Variants in DLC1 observed in about 807,000 individuals in gnomAD.
DLC1 encodes rho GTPase-activating protein 7.
Under a neutral mutation model 140.3 loss-of-function variants are expected in DLC1, and 54 were observed. The ratio of observed to expected loss-of-function variants is 0.38; its 90% CI spans 0.31 to 0.48. The LOEUF is 0.48. Ranked by LOEUF, DLC1 falls within the 20% of genes least tolerant of loss-of-function variation. The pLI, the probability that DLC1 is intolerant of heterozygous loss-of-function variation, is 0.96. For missense variants in DLC1, 2,536 were observed against 1,907.0 expected, an observed-to-expected ratio of 1.33 and a Z score of -6.14; for synonymous variants, 986 against 728.1, an observed-to-expected ratio of 1.35 and a Z score of -5.70.
intron 2 of DLC1, among the ~76,000 whole-genome samples, chr8:13,493,167 T>C (rs1801342280): frequency 6.6e-6 from 1 of 152,210 alleles, no homozygotes; most frequent in Admixed American, 6.5e-5. Context: ...AACAGGCCTG[T>C]GTCATTAAAA....
chr8:13,299,262 G>C (rs936028774), intron 5 of DLC1, among the ~76,000 whole-genome samples: 2 of 151,786 alleles, frequency 1.3e-5, no homozygotes, highest in African/African-American at 4.8e-5. Context: ...AGCCAACATA[G>C]TGAAACCCCA....
chr8:13,108,240 G>A (rs957534105), intron 7 of DLC1, among the ~76,000 whole-genome samples: 5 of 152,056 alleles, frequency 3.3e-5, no homozygotes, highest in Admixed American at 1.3e-4. Flanking sequence ...GAACTCTGAA[G>A]AATTTCCTTT....
chr8:13,416,977 T>G (rs1415653811), intron 2 of DLC1, among the ~76,000 whole-genome samples: 1 of 152,140 alleles, frequency 6.6e-6, no homozygotes, highest in Non-Finnish European at 1.5e-5. Flanking sequence ...ATTGTGCTGG[T>G]AAGGAATATG....
At chr8:13,425,421 A>G (rs2117366136) in intron 2 of DLC1, among the ~76,000 whole-genome samples, 1 of 152,334 alleles carries the variant, frequency 6.6e-6, no homozygotes, top group South Asian at 2.1e-4. Context: ...GAAAACTTGG[A>G]AAACAAACAG....
chr8:13,376,508 G>A lies in DLC1; in HGVS notation c.1314+17045C>T, dbSNP rs562600474. Among the ~76,000 whole-genome samples, 5 of 152,046 alleles carry A rather than the reference G, an allele frequency of 3.3e-5. No homozygotes were observed. In the South Asian group the frequency reaches 1.0e-3, roughly 32 times the overall value. On this transcript the variant is annotated intron_variant, in intron 4 of 17. Coordinates refer to ENST00000276297, the MANE Select transcript of DLC1 (RefSeq NM_182643.3). ...GCCTGCAACCTACCCTTTCAATCAG[G>A]CAATTTTAAATATGGGAAAGGCAAT... is the stretch of plus-strand genomic sequence containing the variant.
At chr8:13,580,393 T>C (rs1188769437) in intron 1 of DLC1, among the ~76,000 whole-genome samples, 4 of 152,180 alleles carry the variant, frequency 2.6e-5, no homozygotes, top group Admixed American at 1.3e-4. Flanking sequence ...AGTGCTGGGA[T>C]TACAGGCGTG....
chr8:13,383,645 C>G (rs1364687758), intron 4 of DLC1, among the ~76,000 whole-genome samples: 1 of 152,114 alleles, frequency 6.6e-6, no homozygotes, highest in East Asian at 1.9e-4. Context: ...TTGAACAGGG[C>G]TAGTCTGCGT....
chr8:13,357,046 A>C (rs1428128347), intron 4 of DLC1, among the ~76,000 whole-genome samples: 2 of 152,044 alleles, frequency 1.3e-5, no homozygotes, highest in Non-Finnish European at 2.9e-5. Flanking sequence ...AGGCAGGCGG[A>C]TCACTTGAGG....
chr8:13,381,818 G>A (rs936525208), intron 4 of DLC1, among the ~76,000 whole-genome samples: 2 of 152,130 alleles, frequency 1.3e-5, no homozygotes, highest in East Asian at 1.9e-4. Flanking sequence ...TTAAATTAAG[G>A]GGGATTTGTT....
intron 3 of DLC1, among the ~76,000 whole-genome samples, chr8:13,396,058 C>CTTTTTTTT (rs1458503033): frequency 6.7e-5 from 9 of 133,360 alleles, no homozygotes; most frequent in Non-Finnish European, 9.4e-5. Flanking sequence ...AATTTCTTTT[C>CTTTTTTTT]TTTCTTTTTT....
At chr8:13,317,531 G>A (rs1299829830) in intron 4 of DLC1, among the ~76,000 whole-genome samples, 3 of 152,088 alleles carry the variant, frequency 2.0e-5, no homozygotes, top group Admixed American at 6.5e-5. Flanking sequence ...AAATAAATTC[G>A]AATTCTAGGA....
At chr8:13,187,517 T>A (rs1347650909) in intron 5 of DLC1, among the ~76,000 whole-genome samples, 1 of 152,188 alleles carries the variant, frequency 6.6e-6, no homozygotes, top group Non-Finnish European at 1.5e-5. Context: ...TCTGTGATTC[T>A]TTGAGGACGG....
intron 1 of DLC1, among the ~76,000 whole-genome samples, chr8:13,555,105 C>T (rs1275462357): frequency 6.6e-6 from 1 of 152,166 alleles, no homozygotes; most frequent in African/African-American, 2.4e-5. Context: ...TGATTCATTC[C>T]TTTACTTCCT....
chr8:13,345,821 A>T (rs1399343496), intron 4 of DLC1, among the ~76,000 whole-genome samples: 1 of 152,110 alleles, frequency 6.6e-6, no homozygotes, highest in African/African-American at 2.4e-5. Flanking sequence ...GGCCTCTGAA[A>T]GTGCTGAGAT....
intron 5 of DLC1, among the ~76,000 whole-genome samples, chr8:13,232,990 A>C (rs1377243328): frequency 6.6e-6 from 1 of 152,182 alleles, no homozygotes; most frequent in Non-Finnish European, 1.5e-5. Flanking sequence ...ATCATTAAAA[A>C]TGTTGCATAT....
intron 5 of DLC1, among the ~76,000 whole-genome samples, chr8:13,250,956 A>G (rs1291472234): frequency 3.9e-5 from 6 of 152,192 alleles, no homozygotes; most frequent in Admixed American, 3.9e-4. Flanking sequence ...ATTGCTGTGT[A>G]AGTCTACTGG....
At chr8:13,462,526 C>T (rs907627963) in intron 2 of DLC1, among the ~76,000 whole-genome samples, 3 of 151,584 alleles carry the variant, frequency 2.0e-5, no homozygotes, top group African/African-American at 7.3e-5. Context: ...GCCCCAGCCT[C>T]CCGAGTAGGT....
At chr8:13,245,316 C>A (rs1040004477) in intron 5 of DLC1, among the ~76,000 whole-genome samples, 1 of 152,132 alleles carries the variant, frequency 6.6e-6, no homozygotes, top group African/African-American at 2.4e-5. Context: ...CAACCCTAGC[C>A]TTTGAAACTC....
At chr8:13,262,466 G>A (rs780854506) in intron 5 of DLC1, among the ~76,000 whole-genome samples, 2 of 151,988 alleles carry the variant, frequency 1.3e-5, no homozygotes, top group Non-Finnish European at 2.9e-5. Flanking sequence ...GGACAACTTA[G>A]TAAAATGAAA....
Sources: gnomAD v4.1 joint callset for allele counts (sites outside exome capture counted in the v4.1 genomes callset) on GRCh38, gnomAD v4.1.1 for gene constraint, MANE v1.5 for transcripts, NCBI Gene and HGNC (gene_info 2026-07-23, HGNC 2026-07-21) for gene names.